CACNA2D2: variants seen among roughly 807,000 people sequenced by gnomAD.
CACNA2D2 encodes the protein voltage-dependent calcium channel subunit alpha-2/delta-2.
Under a neutral mutation model 166.4 loss-of-function variants are expected in CACNA2D2, and 48 were observed. The ratio of observed to expected loss-of-function variants is 0.29; its 90% CI spans 0.23 to 0.37. The LOEUF is 0.37. Ranked by LOEUF, CACNA2D2 falls within the 10% of genes least tolerant of loss-of-function variation. The pLI is 1.00. For synonymous variants in CACNA2D2, 561 were observed against 573.7 expected, an observed-to-expected ratio of 0.98 and a Z score of 0.32; for missense variants, 1,122 against 1,433.0, an observed-to-expected ratio of 0.78 and a Z score of 3.50.
chr3:50,478,139 C>T (rs1408693744), intron 1 of CACNA2D2, among the ~76,000 whole-genome samples: 1 of 152,226 alleles, frequency 6.6e-6, no homozygotes, highest in Non-Finnish European at 1.5e-5. Context: ...CCTCCGCTCC[C>T]CACCACAGGG....
At chr3:50,450,345 T>TC (rs1709039246) in intron 2 of CACNA2D2, among the ~76,000 whole-genome samples, 1 of 18,322 alleles carries the variant, frequency 5.5e-5, no homozygotes, top group African/African-American at 2.2e-4. Context: ...CCGCACCGCC[T>TC]CCCCTACCCT....
At chr3:50,502,324 C>T (rs1699006039) in intron 1 of CACNA2D2, among the ~76,000 whole-genome samples, 1 of 152,198 alleles carries the variant, frequency 6.6e-6, no homozygotes, top group Non-Finnish European at 1.5e-5. Flanking sequence ...GGGGTCTGGG[C>T]ACTGACATAG....
Position 50,384,324 on chromosome 3 carries a change from C to G in CACNA2D2, c.524G>C (p.Ser175Thr), listed in dbSNP as rs758278169. Reference sequence around the variant, plus strand: ...CTTAGACCCCCTTTCCACATCCTCACTCTCAGGGTCGTCCTGCAGAAAGGG... The same window carrying G: ...CTTAGACCCCCTTTCCACATCCTCAGTCTCAGGGTCGTCCTGCAGAAAGGG... ...KADAELDDPE[S>T]EDVERGSKAS... Residue 175 changes from serine to threonine, a missense_variant, in exon 6 of 38, where the codon AGT becomes ACT. This residue lies in a region of CACNA2D2 where 840 missense variants were observed against 1,166.8 expected (regional missense o/e 0.72). Coordinates refer to ENST00000424201, the MANE Select transcript of CACNA2D2 (RefSeq NM_006030.4). 6.2e-6 allele frequency: 10 copies of G among 1,613,446 alleles called. No homozygotes were observed. Among genetic ancestry groups the G allele is most frequent in the Non-Finnish European group, 7.6e-6 (9 of 1,179,576 alleles).
At chr3:50,412,591 T>C (rs1707067715) in intron 3 of CACNA2D2, among the ~76,000 whole-genome samples, 1 of 151,842 alleles carries the variant, frequency 6.6e-6, no homozygotes, top group Non-Finnish European at 1.5e-5. Context: ...TGGCCATGTT[T>C]TTCTTTTCTT....
chr3:50,440,984 G>C (rs1708564098), intron 2 of CACNA2D2, among the ~76,000 whole-genome samples: 1 of 152,092 alleles, frequency 6.6e-6, no homozygotes, highest in Non-Finnish European at 1.5e-5. Context: ...ACGCTTGGCA[G>C]CAGTAGCGCC....
chr3:50,445,363 G>C (rs890389198), intron 2 of CACNA2D2, among the ~76,000 whole-genome samples: 1 of 152,220 alleles, frequency 6.6e-6, no homozygotes, highest in African/African-American at 2.4e-5. Context: ...CAAGGCACCG[G>C]TAAGGCAGTA....
chr3:50,434,352 G>A lies in CACNA2D2; in HGVS notation c.366C>T (p.Asp122=). The A allele has an allele frequency of 6.2e-7, 1 of 1,614,010 alleles. No individual in the cohort carries two copies. Residue 122 remains aspartate, a synonymous_variant, in exon 3 of 38, where the codon GAC becomes GAT. Coordinates refer to ENST00000424201, the MANE Select transcript of CACNA2D2 (RefSeq NM_006030.4). ...CCTTCCTGTCCAGAAGGCTCTCAAT[G>A]TCCCCTGCCACCTTCTCCACCAACT... is the stretch of plus-strand genomic sequence containing the variant. The part of the protein sequence containing the change: ...PQKLVEKVAG[D]IESLLDRKVQ...
rs1704904832 is a variant in CACNA2D2, at chr3:50,375,132, G to A, written c.1908-319C>T. ...TCCCTCTGACCCACAAGGGGCAGAC[G>A]CTGCCGTGAGCTGGCTGCAATGCCA... On this transcript the variant is annotated intron_variant, in intron 21 of 37. Coordinates refer to ENST00000424201, the MANE Select transcript of CACNA2D2 (RefSeq NM_006030.4). The surrounding 1 kb of genome is among the most constrained non-coding windows in gnomAD (Gnocchi z 4.0). Among the ~76,000 whole-genome samples, 1 of 152,206 alleles carries A rather than the reference G, an allele frequency of 6.6e-6. No individual in the cohort carries two copies. The highest frequency in any genetic ancestry group is 2.4e-5 in the African/African-American group (1 of 41,462).
intron 2 of CACNA2D2, among the ~76,000 whole-genome samples, chr3:50,444,076 T>C (rs1476796189): frequency 1.3e-5 from 2 of 152,186 alleles, no homozygotes; most frequent in African/African-American, 4.8e-5. Flanking sequence ...GCTTTCTCTG[T>C]ATCACCTCCA....
chr3:50,373,583 G>A (rs1164137000), intron 22 of CACNA2D2, among the ~76,000 whole-genome samples: 3 of 113,650 alleles, frequency 2.6e-5, no homozygotes, highest in Admixed American at 2.6e-4. Flanking sequence ...GGAGCCAGGG[G>A]GCAGAGCGGA....
chr3:50,384,584 T>G (rs1705500488), intron 5 of CACNA2D2, among the ~76,000 whole-genome samples: 1 of 152,172 alleles, frequency 6.6e-6, no homozygotes, highest in Non-Finnish European at 1.5e-5. Flanking sequence ...TCCCCACATT[T>G]GCTAAACCCA....
At chr3:50,492,421 C>T (rs188388433) in intron 1 of CACNA2D2, among the ~76,000 whole-genome samples, 139 of 152,362 alleles carry the variant, frequency 9.1e-4, no homozygotes, top group African/African-American at 3.0e-3. Flanking sequence ...TGGCACAGCA[C>T]GGCAACTTGA....
At chr3:50,441,951 C>T (rs1283940153) in intron 2 of CACNA2D2, among the ~76,000 whole-genome samples, 1 of 152,192 alleles carries the variant, frequency 6.6e-6, no homozygotes, top group Non-Finnish European at 1.5e-5. Context: ...GTAGTGAGCC[C>T]CCCACCACAG....
chr3:50,442,232 G>C (rs1708631833), intron 2 of CACNA2D2, among the ~76,000 whole-genome samples: 1 of 152,200 alleles, frequency 6.6e-6, no homozygotes, highest in Non-Finnish European at 1.5e-5. Context: ...CCCTGGGCAA[G>C]GGGGCTGGAG....
At chr3:50,446,739 T>C (rs1708865450) in intron 2 of CACNA2D2, among the ~76,000 whole-genome samples, 1 of 152,242 alleles carries the variant, frequency 6.6e-6, no homozygotes, top group Non-Finnish European at 1.5e-5. Context: ...CTAATTCATT[T>C]GCCTGGTGCT....
At chr3:50,409,369 A>G (rs1706881139) in intron 3 of CACNA2D2, among the ~76,000 whole-genome samples, 1 of 152,238 alleles carries the variant, frequency 6.6e-6, no homozygotes, top group South Asian at 2.1e-4. Context: ...GGGAAGGTTC[A>G]GGGGTTTTCC....
chr3:50,456,940 G>A (rs751378373), intron 2 of CACNA2D2, among the ~76,000 whole-genome samples: 3 of 152,158 alleles, frequency 2.0e-5, no homozygotes, highest in Non-Finnish European at 2.9e-5. Flanking sequence ...CTAGTGGAAT[G>A]AAGCCCCCAA....
chr3:50,425,693 T>C (rs1032454450), intron 3 of CACNA2D2, among the ~76,000 whole-genome samples: 1 of 152,206 alleles, frequency 6.6e-6, no homozygotes, highest in African/African-American at 2.4e-5. Context: ...TCTTTGCATC[T>C]GCTCCCTTCG....
intron 3 of CACNA2D2, among the ~76,000 whole-genome samples, chr3:50,396,129 T>C (rs949985965): frequency 6.6e-6 from 1 of 152,036 alleles, no homozygotes; most frequent in Non-Finnish European, 1.5e-5. Context: ...CCTCCAATCC[T>C]GGCCCTCCTG....
Sources: gnomAD v4.1 joint callset for allele counts (sites outside exome capture counted in the v4.1 genomes callset) on GRCh38, gnomAD v4.1.1 for gene constraint, gnomAD v4.1.1 regional missense constraint, Gnocchi (gnomAD v3.1) non-coding constraint, MANE v1.5 for transcripts, NCBI Gene and HGNC (gene_info 2026-07-23, HGNC 2026-07-21) for gene names.